The following ATG4B variants were observed in gnomAD, a reference collection of about 807,000 sequenced individuals.
ATG4B encodes cysteine protease ATG4B.
ATG4B carries 29 observed loss-of-function variants against 56.6 expected under a neutral mutation model. The observed-to-expected ratio is 0.51, with a 90% confidence interval of 0.38 to 0.70. ATG4B has a LOEUF of 0.70. Among genes scored for constraint, ATG4B ranks in the 30% least tolerant of loss-of-function variants. The probability of loss-of-function intolerance (pLI) is 0.00; values close to 1 mark genes in which losing one functional copy is unlikely to be tolerated. For synonymous variants in ATG4B, 224 were observed against 206.1 expected, an observed-to-expected ratio of 1.09 and a Z score of -0.74; for missense variants, 461 against 515.5, an observed-to-expected ratio of 0.89 and a Z score of 1.02.
In ATG4B at chr2:241,668,768, G is replaced by GT. The variant is rs138661495; in HGVS notation, c.957+93dup. On this transcript the variant is annotated intron_variant, in intron 10 of 12. Transcript: ENST00000404914. The surrounding 1 kb of genome is among the most constrained non-coding windows in gnomAD (Gnocchi z 4.2). ...ACGAGGAAAACTTTCGGATTTTTGC[G>GT]TTTTTTTTTTCAGCATGTTGGGATA... is the stretch of plus-strand genomic sequence containing the variant. The GT allele has an allele frequency of 0.24, 292,725 of 1,230,052 alleles. 9,370 individuals carry two copies. Among genetic ancestry groups the GT allele is most frequent in the South Asian group, 0.26 (14,748 of 57,222 alleles). 76.2% of individuals were successfully genotyped at this position (1,230,052 alleles called of 1,614,324 possible). A position where few individuals can be genotyped will look rare whatever the true frequency, so the allele number is the denominator to read the frequency against.
intron 1 of ATG4B, among the ~76,000 whole-genome samples, chr2:241,649,418 G>T (rs1014005982): frequency 2.0e-5 from 3 of 151,946 alleles, no homozygotes; most frequent in Non-Finnish European, 4.4e-5. Context: ...GTGTGGGGTT[G>T]TTATCAAAAA....
At chr2:241,663,065 A>C (rs2068639962) in intron 7 of ATG4B, among the ~76,000 whole-genome samples, 1 of 152,074 alleles carries the variant, frequency 6.6e-6, no homozygotes, top group Non-Finnish European at 1.5e-5. Flanking sequence ...GTAAAACCCC[A>C]TGTCTACTAA....
intron 7 of ATG4B, among the ~76,000 whole-genome samples, chr2:241,663,933 C>T (rs989579149): frequency 1.3e-5 from 2 of 152,128 alleles, no homozygotes; most frequent in African/African-American, 4.8e-5. Flanking sequence ...CCTCAGCCTC[C>T]TGAGTAGCTG....
chr2:241,671,952 G>A (rs1457366805), intron 12 of ATG4B: 13 of 1,399,550 alleles, frequency 9.3e-6, no homozygotes, highest in Middle Eastern at 5.3e-4. Flanking sequence ...GGCCCCTCAG[G>A]CCTGAGATTG....
Position 241,641,273 on chromosome 2 carries a change from G to A in ATG4B, c.10+3549G>A, listed in dbSNP as rs1027916310. On this transcript the variant is annotated intron_variant, in intron 1 of 12. Transcript: ENST00000404914. ...CTAAGCAACTCAGATGGAGGGGGGC[G>A]GGCGTGGTGGCTCACGCCTGTAATC... Among the ~76,000 whole-genome samples the A allele has an allele frequency of 9.2e-5, 14 of 152,336 alleles. 2 individuals are homozygous for A. Among genetic ancestry groups the A allele is most frequent in the African/African-American group, 1.2e-4 (5 of 41,576 alleles).
rs748360674 is a variant in ATG4B at position 241,668,854 on chromosome 2, A to G, written c.957+169A>G. 1.0e-5 allele frequency: 10 copies of G among 967,130 alleles called. No homozygotes were observed. Among genetic ancestry groups the G allele is most frequent in the Non-Finnish European group, 1.5e-5 (10 of 667,640 alleles). 59.9% of individuals were successfully genotyped at this position (967,130 alleles called of 1,614,324 possible). On this transcript the variant is annotated intron_variant, in intron 10 of 12. Transcript: ENST00000404914. The surrounding 1 kb of genome is among the most constrained non-coding windows in gnomAD (Gnocchi z 4.2). ...ATAAGAGCCGGAACTGTGTCCTTGCACCCTCACGTCCCTCCCCCAGGCACC... is the reference window on the plus strand; with the variant it reads ...ATAAGAGCCGGAACTGTGTCCTTGCGCCCTCACGTCCCTCCCCCAGGCACC...
At chr2:241,669,422 A>G (rs764914442) in intron 10 of ATG4B, among the ~76,000 whole-genome samples, 1 of 152,200 alleles carries the variant, frequency 6.6e-6, no homozygotes, top group African/African-American at 2.4e-5. Context: ...GCGCAGCCCC[A>G]GAGTGCACAC....
At chr2:241,638,351 G>C (rs910112775) in intron 1 of ATG4B, 3 of 151,482 alleles carry the variant, frequency 2.0e-5, no homozygotes, top group African/African-American at 7.3e-5. Context: ...GGGGTCCTAA[G>C]AGAGAGAGAA....
intron 1 of ATG4B, among the ~76,000 whole-genome samples, chr2:241,642,817 G>A (rs2067934860): frequency 1.5e-5 from 2 of 137,658 alleles, no homozygotes; most frequent in Admixed American, 7.4e-5. Context: ...CCGACCAAAT[G>A]GGAGAACTGC....
intron 1 of ATG4B, among the ~76,000 whole-genome samples, chr2:241,645,258 C>G (rs1006655413): frequency 6.6e-6 from 1 of 152,184 alleles, no homozygotes; most frequent in African/African-American, 2.4e-5. Flanking sequence ...TTTATTGGCT[C>G]TTTTGTAGGA....
chr2:241,652,462 C>T (rs1171961456), intron 3 of ATG4B, among the ~76,000 whole-genome samples: 2 of 152,226 alleles, frequency 1.3e-5, no homozygotes, highest in East Asian at 1.9e-4. Flanking sequence ...GCAGCCCTGT[C>T]GCAGTTCTGA....
Position 241,670,787 on chromosome 2 carries a change from G to A in ATG4B, c.1014+5G>A. The A allele has an allele frequency of 1.9e-6, 3 of 1,606,628 alleles. No homozygotes were observed. Among genetic ancestry groups the A allele is most frequent in the Non-Finnish European group, 2.5e-6 (3 of 1,176,584 alleles). ...TGGTGCCAGCAAGTCAAAAAGGTTT[G>A]TAGCCGCCCCACACCCACAGCCGAG... On this transcript the variant is annotated splice_donor_5th_base_variant and intron_variant, in intron 11 of 12. Coordinates refer to ENST00000404914, the MANE Select transcript of ATG4B (RefSeq NM_013325.5).
intron 10 of ATG4B, chr2:241,670,481 G>T: frequency 1.7e-6 from 1 of 586,084 alleles, no homozygotes; most frequent in East Asian, 2.9e-5. Flanking sequence ...GTAACATCTC[G>T]TGGGCGAATC....
At chr2:241,640,120 G>GA (rs2067840489) in intron 1 of ATG4B, among the ~76,000 whole-genome samples, 1 of 152,162 alleles carries the variant, frequency 6.6e-6, no homozygotes, top group Admixed American at 6.5e-5. Context: ...CCTAAAATGT[G>GA]AAAATCATCA....
chr2:241,672,011 C>A, intron 12 of ATG4B, 180 bp from the exon 13 acceptor site: 2 of 1,427,352 alleles, frequency 1.4e-6, no homozygotes, highest in Non-Finnish European at 1.8e-6. Context: ...CTCTTCTCTG[C>A]TCCCTCCCCC....
At chr2:241,645,975 G>A (rs904554091) in intron 1 of ATG4B, among the ~76,000 whole-genome samples, 1 of 152,164 alleles carries the variant, frequency 6.6e-6, no homozygotes, top group Non-Finnish European at 1.5e-5. Context: ...CCTGTTCACT[G>A]CCAAGCACCG....
intron 1 of ATG4B, among the ~76,000 whole-genome samples, chr2:241,649,748 TTC>T (rs2068172059): frequency 6.6e-6 from 1 of 152,096 alleles, no homozygotes; most frequent in South Asian, 2.1e-4. Flanking sequence ...CCTCTCTAGT[TTC>T]TTTCTTTCTT....
rs775951440 is a variant in ATG4B at position 241,637,728 on chromosome 2, A to C, written c.10+4A>C. On this transcript the variant is annotated splice_donor_region_variant and intron_variant, in intron 1 of 12. Coordinates refer to ENST00000404914, the MANE Select transcript of ATG4B (RefSeq NM_013325.5). The stretch of plus-strand genomic sequence containing the variant: ...CGGACTGGGAAGATGGACGCAGGTG[A>C]GGAGTTGCCGGGGGTCGGTCTTTCC... 12 of 1,577,398 alleles carry C rather than the reference A, an allele frequency of 7.6e-6. No individual in the cohort carries two copies. The highest frequency in any genetic ancestry group is 9.4e-6 in the Non-Finnish European group (11 of 1,165,230).
intron 1 of ATG4B, among the ~76,000 whole-genome samples, chr2:241,642,694 A>G (rs938840350): frequency 6.6e-6 from 1 of 151,338 alleles, no homozygotes; most frequent in Non-Finnish European, 1.5e-5. Flanking sequence ...ACTAAGTCAC[A>G]TGTTTTTTCT....
Sources: gnomAD v4.1 joint callset for allele counts (sites outside exome capture counted in the v4.1 genomes callset) on GRCh38, gnomAD v4.1.1 for gene constraint, Gnocchi (gnomAD v3.1) non-coding constraint, MANE v1.5 for transcripts, NCBI Gene and HGNC (gene_info 2026-07-23, HGNC 2026-07-21) for gene names.